CTSE: variants seen among roughly 807,000 people sequenced by gnomAD.
CTSE encodes erythrocyte membrane aspartic proteinase.
A neutral mutation model predicts 42.8 loss-of-function variants in CTSE; 43 were observed. That is an observed-to-expected ratio of 1.01 (90% CI 0.79 to 1.30). CTSE has a LOEUF of 1.30. CTSE is among the 50% of genes most tolerant of loss of function. The pLI, the probability that CTSE is intolerant of heterozygous loss-of-function variation, is 0.00. For synonymous variants in CTSE, 205 were observed against 191.5 expected (o/e 1.07, Z -0.58); for missense variants, 532 against 493.5 (o/e 1.08, Z -0.74).
chr1:206,016,537 C>T (rs1262816991), intron 4 of CTSE, among the ~76,000 whole-genome samples: 1 of 151,912 alleles, frequency 6.6e-6, no homozygotes, highest in Non-Finnish European at 1.5e-5. Context: ...GTCATGAAAA[C>T]ATTTTCTCAT....
intron 3 of CTSE, 96 bp from the exon 4 acceptor site, chr1:206,021,263 C>A: frequency 1.1e-6 from 1 of 946,400 alleles, no homozygotes; most frequent in Non-Finnish European, 1.7e-6. Flanking sequence ...GGGTCTCTTC[C>A]CTCAGCTCTC....
At chr1:206,013,463 C>G (rs968979107) in intron 6 of CTSE, among the ~76,000 whole-genome samples, 1 of 151,996 alleles carries the variant, frequency 6.6e-6, no homozygotes, top group African/African-American at 2.4e-5. Flanking sequence ...ACCTGTGCAA[C>G]CCCCCATGTT....
chr1:206,023,143 T>A, intron 1 of CTSE, 86 bp from the exon 2 acceptor site: 7 of 722,468 alleles, frequency 9.7e-6, no homozygotes, highest in Admixed American at 2.1e-5. Flanking sequence ...AGGGGCCAAC[T>A]AGAGAAGATG....
chr1:206,016,166 G>A, intron 4 of CTSE, 36 bp from the exon 5 acceptor site: 1 of 1,590,192 alleles, frequency 6.3e-7, no homozygotes, highest in Non-Finnish European at 8.6e-7. Flanking sequence ...ACAGGAGAAT[G>A]GCACAGGGGA....
chr1:206,021,713 C>T (rs1571821650), intron 3 of CTSE, among the ~76,000 whole-genome samples: 1 of 151,980 alleles, frequency 6.6e-6, no homozygotes, highest in Non-Finnish European at 1.5e-5. Context: ...TGTGCCCCAC[C>T]AGCCCCACCT....
Position 206,012,533 on chromosome 1 carries a change from A to G in CTSE, c.902T>C (p.Ile301Thr), listed in dbSNP as rs199845829. The change falls in exon 7 of 9, where the codon ATT (isoleucine) becomes ACT (threonine). Residue 301 changes from isoleucine to threonine, a missense_variant. By Grantham distance (89) the Ile-to-Thr change is moderately conservative. Coordinates refer to ENST00000358184, the MANE Select transcript of CTSE (RefSeq NM_001910.4). ...SDKIKQLQNA[I>T]GAAPVDGEYA... ...TTCTCCATCCACGGGGGCTGCCCCA[A>G]TGGCGTTTTGCAGCTGCTTAATCTT... 7.3e-5 allele frequency: 118 copies of G among 1,613,970 alleles called. 1 individual carries two copies. In the East Asian group the frequency reaches 1.4e-3, roughly 19 times the overall value.
At chr1:206,011,043 A>G (rs1453285094) in intron 8 of CTSE, among the ~76,000 whole-genome samples, 1 of 152,018 alleles carries the variant, frequency 6.6e-6, no homozygotes, top group Non-Finnish European at 1.5e-5. Context: ...TGAAAAGTCA[A>G]AATTTTTACA....
intron 6 of CTSE, 64 bp downstream of exon 6, chr1:206,013,708 G>A (rs1220630002): frequency 1.3e-6 from 2 of 1,571,814 alleles, no homozygotes; most frequent in African/African-American, 2.7e-5. Context: ...AGTTAAATCG[G>A]TTTGAGTTGT....
chr1:206,012,489 T>G lies in CTSE; in HGVS notation c.927+19A>C. 1.2e-6 allele frequency: 2 copies of G among 1,613,934 alleles called. No individual in the cohort carries two copies. The highest frequency in any genetic ancestry group is 1.7e-6 in the Non-Finnish European group (2 of 1,179,906). On this transcript the variant is annotated intron_variant, in intron 7 of 8. Coordinates refer to ENST00000358184, the MANE Select transcript of CTSE (RefSeq NM_001910.4). The stretch of plus-strand genomic sequence containing the variant: ...GGCTCTCCTGTCCCCACCACTCCCT[T>G]GCGCAGGCAGGCACTCACTTCTCCA...
chr1:206,013,223 C>T (rs956152799), intron 6 of CTSE, among the ~76,000 whole-genome samples: 3 of 152,064 alleles, frequency 2.0e-5, no homozygotes, highest in Non-Finnish European at 4.4e-5. Flanking sequence ...AGTCCCACTT[C>T]CCCAATTGCT....
rs782726571 is a variant in CTSE at position 206,013,874 on chromosome 1, C to T, written c.683G>A (p.Gly228Glu). The T allele has an allele frequency of 1.2e-6, 2 of 1,613,720 alleles. No homozygotes were observed. The highest frequency in any genetic ancestry group is 1.7e-5 in the Admixed American group (1 of 59,992). Reference protein sequence around the residue: ...YMSSNPEGGAGSELIFGGYDH... With the variant: ...YMSSNPEGGAESELIFGGYDH... ...GTAGCCTCCAAAAATCAGCTCGCTC[C>T]CCGCACCACCTTCTGGGTTACTACA... Residue 228 changes from glycine (G) to glutamate (E), a missense_variant, in exon 6 of 9, where the codon GGG becomes GAG. Coordinates refer to ENST00000358184, the MANE Select transcript of CTSE (RefSeq NM_001910.4).
chr1:206,015,327 C>A lies in CTSE; in HGVS notation c.662+604G>T, dbSNP rs150295927. Among the ~76,000 whole-genome samples the A allele has an allele frequency of 4.4e-4, 67 of 152,202 alleles. No homozygotes were observed. The East Asian group carries it at 0.012, about 28-fold the overall frequency. ...TCCCCAGGCTCTGGCAACTGGCAGT[C>A]TACTTTCTGCCTATGAATTTGACTA... On this transcript the variant is annotated intron_variant, in intron 5 of 8. Transcript: ENST00000358184.
intron 4 of CTSE, among the ~76,000 whole-genome samples, chr1:206,017,199 T>C (rs1447284835): frequency 2.0e-5 from 3 of 152,102 alleles, no homozygotes; most frequent in Admixed American, 1.3e-4. Flanking sequence ...TTGATAGTAT[T>C]ATAAATAGTG....
In CTSE at chr1:206,010,046, G is replaced by T. The variant is rs189913738; in HGVS notation, c.*137C>A. ...GTGTGTGTGTGTATTCTCATGTTCT[G>T]TTTGGTCTTAATTCAAGTTGCAACC... On this transcript the variant is annotated 3_prime_UTR_variant, in exon 9 of 9. Transcript: ENST00000358184. The T allele has an allele frequency of 2.6e-4, 233 of 903,930 alleles. 2 individuals are homozygous for T. The highest frequency in any genetic ancestry group is 4.0e-5 in the Non-Finnish European group (23 of 568,108). 56.0% of individuals were successfully genotyped at this position (903,930 alleles called of 1,614,324 possible). A position where few individuals can be genotyped will look rare whatever the true frequency, so the allele number is the denominator to read the frequency against.
In CTSE at chr1:206,010,224, G is replaced by T. The variant is rs369578313; in HGVS notation, c.1150C>A (p.Arg384Ser). 1.3e-5 allele frequency: 21 copies of T among 1,613,724 alleles called. No individual in the cohort carries two copies. Among genetic ancestry groups the T allele is most frequent in the Non-Finnish European group, 1.5e-5 (18 of 1,179,796 alleles). The change falls in exon 9 of 9, where the codon CGT becomes AGT. Residue 384 changes from arginine (R) to serine (S), a missense_variant. By Grantham distance (110) the Arg-to-Ser change is moderately radical. Coordinates refer to ENST00000358184, the MANE Select transcript of CTSE (RefSeq NM_001910.4). Reference sequence around the variant, plus strand: ...GCCAGTCCCACACGGTTATTCCCACGGTCAAAGACTGAGTAAAACTGTCGA... The same window carrying T: ...GCCAGTCCCACACGGTTATTCCCACTGTCAAAGACTGAGTAAAACTGTCGA... ...FIRQFYSVFDRGNNRVGLAPA... is the reference protein window; with the variant it reads ...FIRQFYSVFDSGNNRVGLAPA...
In CTSE at chr1:206,022,156, C is replaced by A. The variant is rs782104566; in HGVS notation, c.337G>T (p.Ala113Ser). ...TGCTCCTGGCCCCACTTACTGCAGGCTGGGCTAGTGCAGTACACAGAGGGG... is the reference window on the plus strand; with the variant it reads ...TGCTCCTGGCCCCACTTACTGCAGGATGGGCTAGTGCAGTACACAGAGGGG... ...WVPSVYCTSP[A>S]CKTHSRFQPS... The change falls in exon 3 of 9, where the codon GCC becomes TCC. Residue 113 changes from alanine (A) to serine (S), a missense_variant. By Grantham distance (99) the Ala-to-Ser change is moderately conservative (BLOSUM62 1). Coordinates refer to ENST00000358184, the MANE Select transcript of CTSE (RefSeq NM_001910.4). 5 of 1,593,046 alleles carry A rather than the reference C, an allele frequency of 3.1e-6. No homozygotes were observed. The East Asian group carries it at 1.1e-4, about 36-fold the overall frequency.
rs1553276706 is a variant in CTSE, at chr1:206,010,131, C to T, written c.*52G>A. The T allele has an allele frequency of 1.9e-6, 3 of 1,608,526 alleles. No individual in the cohort carries two copies. The highest frequency in any genetic ancestry group is 2.2e-5 in the South Asian group (2 of 90,936). On this transcript the variant is annotated 3_prime_UTR_variant, in exon 9 of 9. Transcript: ENST00000358184. ...TTGTAGGTGTAAAGAATGCCCCAGC[C>T]TAACATATTCAAGGTCTGTCAGACA...
chr1:206,022,401 A>G, intron 2 of CTSE, 134 bp from the exon 3 acceptor site: 1 of 605,774 alleles, frequency 1.7e-6, no homozygotes, highest in Non-Finnish European at 2.9e-6. Context: ...GAGCCTAGGA[A>G]GTGGCAACGC....
Position 206,022,186 on chromosome 1 carries a change from A to G in CTSE, c.307T>C (p.Trp103Arg), listed in dbSNP as rs1297120585. The change falls in exon 3 of 9, where the codon TGG becomes CGG. Residue 103 changes from tryptophan (W) to arginine (R), a missense_variant. Trp to Arg is a moderately radical substitution (Grantham distance 101). Coordinates refer to ENST00000358184, the MANE Select transcript of CTSE (RefSeq NM_001910.4). The part of the protein sequence containing the change: ...VIFDTGSSNL[W>R]VPSVYCTSPA... ...CTAGTGCAGTACACAGAGGGGACCC[A>G]GAGGTTGGAGGAGCCAGTGTCGAAG... 1.9e-6 allele frequency: 3 copies of G among 1,612,534 alleles called. No individual in the cohort carries two copies. The highest frequency in any genetic ancestry group is 2.5e-6 in the Non-Finnish European group (3 of 1,178,960).
Sources: allele counts gnomAD v4.1 joint callset (sites outside exome capture counted in the v4.1 genomes callset), GRCh38; gene constraint gnomAD v4.1.1; transcripts MANE v1.5; gene names NCBI Gene and HGNC (gene_info 2026-07-23, HGNC 2026-07-21).